The following ENTHD1 variants were observed in gnomAD, a reference collection of about 807,000 sequenced individuals.
The protein encoded by ENTHD1 is ENTH domain containing 1.
ENTHD1 carries 23 observed loss-of-function variants against 39.1 expected under a neutral mutation model. The ratio of observed to expected loss-of-function variants is 0.59; its 90% CI spans 0.42 to 0.83. The LOEUF is 0.83. ENTHD1 is among the 40% of genes least tolerant of loss of function. The pLI, the probability that ENTHD1 is intolerant of heterozygous loss-of-function variation, is 0.00. For synonymous variants in ENTHD1, 230 were observed against 258.2 expected (o/e 0.89, Z 1.05); for missense variants, 624 against 705.4 (o/e 0.88, Z 1.31).
intron 3 of ENTHD1, among the ~76,000 whole-genome samples, chr22:39,850,890 A>T (rs1358388329): frequency 6.6e-6 from 1 of 152,160 alleles, no homozygotes; most frequent in Non-Finnish European, 1.5e-5. Flanking sequence ...TATATATCAA[A>T]TGTTTATTAT....
chr22:39,759,300 TCTTTTTTCCCC>T (rs1274247172), intron 6 of ENTHD1, among the ~76,000 whole-genome samples: 1 of 152,168 alleles, frequency 6.6e-6, no homozygotes, highest in African/African-American at 2.4e-5. Flanking sequence ...TATCTATATG[TCTTTTTTCCCC>T]AGCTTATTTG....
At chr22:39,884,448 G>A (rs2066364777) in intron 2 of ENTHD1, among the ~76,000 whole-genome samples, 1 of 152,072 alleles carries the variant, frequency 6.6e-6, no homozygotes, top group Admixed American at 6.5e-5. Flanking sequence ...CCAAAGGGCT[G>A]GGATTATAGG....
At position 39,887,446 on chromosome 22, in the gene ENTHD1, T is replaced by A. The variant is rs2066388252; in HGVS notation, c.303A>T (p.Gln101His). The change falls in exon 2 of 7, where the codon CAA (glutamine) becomes CAT (histidine). Residue 101 changes from glutamine (Q) to histidine (H), a missense_variant. Coordinates refer to ENST00000325157, the MANE Select transcript of ENTHD1 (RefSeq NM_152512.4). ...CTATGTGCTGAAAATCTTTTAGTGT[T>A]TGAAGGTTACAGAACCCCTCTCTGC... ...QHCREGFCNL[Q>H]TLKDFQHIDE... The A allele has an allele frequency of 6.2e-7, 1 of 1,613,198 alleles. No individual in the cohort carries two copies. The highest frequency in any genetic ancestry group is 1.3e-5 in the African/African-American group (1 of 74,858).
At chr22:39,853,005 C>T (rs1401230977) in intron 3 of ENTHD1, among the ~76,000 whole-genome samples, 1 of 152,122 alleles carries the variant, frequency 6.6e-6, no homozygotes, top group African/African-American at 2.4e-5. Flanking sequence ...GCAAGGCAAC[C>T]AAGCATGACT....
intron 5 of ENTHD1, among the ~76,000 whole-genome samples, chr22:39,800,870 C>T (rs1268108183): frequency 6.6e-6 from 1 of 152,190 alleles, no homozygotes; most frequent in Non-Finnish European, 1.5e-5. Context: ...GTCCACCACA[C>T]TGCTGAAAAT....
chr22:39,839,828 A>T (rs2065931094), intron 3 of ENTHD1, among the ~76,000 whole-genome samples: 1 of 152,220 alleles, frequency 6.6e-6, no homozygotes, highest in Non-Finnish European at 1.5e-5. Context: ...TTTGAAGTAA[A>T]TTTTGAGAGA....
At chr22:39,799,007 A>G (rs1277753301) in intron 5 of ENTHD1, among the ~76,000 whole-genome samples, 1 of 152,180 alleles carries the variant, frequency 6.6e-6, no homozygotes, top group Non-Finnish European at 1.5e-5. Flanking sequence ...ACAGGGCAAG[A>G]TAATCCCCAG....
At chr22:39,851,995 A>T (rs1180006127) in intron 3 of ENTHD1, among the ~76,000 whole-genome samples, 1 of 152,044 alleles carries the variant, frequency 6.6e-6, no homozygotes, top group Non-Finnish European at 1.5e-5. Flanking sequence ...TATAAAAATA[A>T]TTTCTCTCTA....
In ENTHD1 at chr22:39,765,522, G is replaced by T. The variant is rs180779267; in HGVS notation, c.920C>A (p.Thr307Asn). ...TGTTTCCAAGAGGTTTTCTGTGACA[G>T]TATTTGTAAAGATACCATCTGATCT... ...DKRSDGIFTNTVTENLLETPL... is the reference protein window; with the variant it reads ...DKRSDGIFTNNVTENLLETPL... Residue 307 changes from threonine (T) to asparagine (N), a missense_variant, in exon 6 of 7, where the codon ACT becomes AAT. Coordinates refer to ENST00000325157, the MANE Select transcript of ENTHD1 (RefSeq NM_152512.4). 2.5e-6 allele frequency: 4 copies of T among 1,613,864 alleles called. No homozygotes were observed. The East Asian group carries it at 8.9e-5, about 36-fold the overall frequency.
chr22:39,785,516 T>C (rs938742270), intron 5 of ENTHD1, among the ~76,000 whole-genome samples: 1 of 152,212 alleles, frequency 6.6e-6, no homozygotes, highest in Non-Finnish European at 1.5e-5. Flanking sequence ...TATCTCTCTT[T>C]CTCATCTGGC....
Position 39,887,406 on chromosome 22 carries a change from C to A in ENTHD1, c.343G>T (p.Asp115Tyr), listed in dbSNP as rs760238874. 6.2e-7 allele frequency: 1 copy of A among 1,604,672 alleles called. No homozygotes were observed. The highest frequency in any genetic ancestry group is 2.2e-5 in the East Asian group (1 of 44,828). Residue 115 changes from aspartate to tyrosine, a missense_variant, in exon 2 of 7, where the codon GAC (aspartate) becomes TAC (tyrosine). By Grantham distance (160) the Asp-to-Tyr change is radical. Coordinates refer to ENST00000325157, the MANE Select transcript of ENTHD1 (RefSeq NM_152512.4). Reference protein sequence around the residue: ...DFQHIDEAGKDQGYYIREKSK... With the variant: ...DFQHIDEAGKYQGYYIREKSK... ...AAACTTCTTTAACCATTACCTTGGT[C>A]TTTTCCAGCTTCATCTATGTGCTGA...
chr22:39,878,821 T>C (rs2066311598), intron 2 of ENTHD1, among the ~76,000 whole-genome samples: 1 of 152,054 alleles, frequency 6.6e-6, no homozygotes, highest in Non-Finnish European at 1.5e-5. Flanking sequence ...ATAGCAACAA[T>C]GTATTTGATT....
chr22:39,759,299 G>A (rs1194282834), intron 6 of ENTHD1, among the ~76,000 whole-genome samples: 1 of 152,098 alleles, frequency 6.6e-6, no homozygotes, highest in African/African-American at 2.4e-5. Context: ...GTATCTATAT[G>A]TCTTTTTTCC....
At chr22:39,865,290 G>A (rs1301578312) in intron 2 of ENTHD1, among the ~76,000 whole-genome samples, 1 of 152,062 alleles carries the variant, frequency 6.6e-6, no homozygotes, top group African/African-American at 2.4e-5. Context: ...TCAGGCCACA[G>A]CAGTTCACCA....
chr22:39,853,298 C>T (rs1025791078), intron 3 of ENTHD1, among the ~76,000 whole-genome samples: 6 of 151,996 alleles, frequency 3.9e-5, no homozygotes, highest in South Asian at 4.2e-4. Context: ...TTTGGGAGGC[C>T]GAGGCAGGCA....
chr22:39,801,055 G>T (rs950092909), intron 5 of ENTHD1, among the ~76,000 whole-genome samples: 7 of 152,228 alleles, frequency 4.6e-5, no homozygotes, highest in South Asian at 4.1e-4. Context: ...AGTAGGGAGA[G>T]AGATGACAGT....
intron 1 of ENTHD1, among the ~76,000 whole-genome samples, chr22:39,890,499 C>T (rs1396902183): frequency 6.6e-6 from 1 of 152,114 alleles, no homozygotes; most frequent in Non-Finnish European, 1.5e-5. Flanking sequence ...CTGTTAGAAT[C>T]ATAACTTGCT....
chr22:39,874,735 A>G (rs1356286043), intron 2 of ENTHD1, among the ~76,000 whole-genome samples: 1 of 152,250 alleles, frequency 6.6e-6, no homozygotes, highest in Non-Finnish European at 1.5e-5. Context: ...TGAACAGGCA[A>G]AAGATGTCCT....
chr22:39,864,513 G>A (rs1569173704), intron 2 of ENTHD1, among the ~76,000 whole-genome samples: 1 of 151,812 alleles, frequency 6.6e-6, no homozygotes, highest in Non-Finnish European at 1.5e-5. Context: ...ATATTTATTG[G>A]TTTACTTATT....
Sources: allele counts gnomAD v4.1 joint callset (sites outside exome capture counted in the v4.1 genomes callset), GRCh38; gene constraint gnomAD v4.1.1; transcripts MANE v1.5; gene names NCBI Gene and HGNC (gene_info 2026-07-23, HGNC 2026-07-21).